Variants in DNAH8 observed in about 807,000 individuals in gnomAD.
DNAH8 encodes the protein axonemal beta dynein heavy chain 8.
DNAH8 carries 382 observed loss-of-function variants against 562.1 expected under a neutral mutation model. That is an observed-to-expected ratio of 0.68 (90% CI 0.63 to 0.74). DNAH8 has a LOEUF of 0.74. DNAH8 is among the 30% of genes least tolerant of loss of function. The pLI, the probability that DNAH8 is intolerant of heterozygous loss-of-function variation, is 0.00. For missense variants in DNAH8, 5,203 were observed against 5,620.4 expected (o/e 0.93, Z 2.37); for synonymous variants, 1,881 against 1,919.4 (o/e 0.98, Z 0.52).
At chr6:38,878,476 C>G (rs1778196732) in intron 53 of DNAH8, among the ~76,000 whole-genome samples, 1 of 151,498 alleles carries the variant, frequency 6.6e-6, no homozygotes, top group African/African-American at 2.4e-5. Context: ...ATGATCAAAG[C>G]AGAAATCAAT....
At chr6:38,780,444 G>T (rs1458469771) in intron 15 of DNAH8, among the ~76,000 whole-genome samples, 1 of 152,140 alleles carries the variant, frequency 6.6e-6, no homozygotes, top group Non-Finnish European at 1.5e-5. Context: ...CAACCCAAAT[G>T]CCCATCAATG....
At position 38,756,096 on chromosome 6, in the gene DNAH8, G is replaced by A. The variant is rs1765882239; in HGVS notation, c.1515+17G>A. On this transcript the variant is annotated intron_variant, in intron 10 of 92. Coordinates refer to ENST00000327475, the MANE Select transcript of DNAH8 (RefSeq NM_001206927.2). ...TTTATCAAGGTAAGTTTCTGTGGGAGGAAATTACATGTCATCCTGTGAAAA... is the reference window on the plus strand; with the variant it reads ...TTTATCAAGGTAAGTTTCTGTGGGAAGAAATTACATGTCATCCTGTGAAAA... The A allele has an allele frequency of 3.5e-6, 5 of 1,412,514 alleles. No individual in the cohort carries two copies. Among genetic ancestry groups the A allele is most frequent in the Non-Finnish European group, 5.0e-6 (5 of 997,490 alleles). The allele number at this position is 1,412,514 out of a possible 1,614,324, so 87.5% of individuals were successfully genotyped here.
At chr6:38,803,358 G>A (rs373125652) in intron 22 of DNAH8, 47 bp downstream of exon 22, 271 of 1,500,376 alleles carry the variant, frequency 1.8e-4, no homozygotes, top group Non-Finnish European at 2.3e-4. Context: ...CTACAGATTC[G>A]TTCTTATGTA....
rs1766158270 is a variant in DNAH8 at position 38,758,555 on chromosome 6, C to A, written c.1515+2476C>A. ...TGCCCGATTGCCCTGGCCAGAACTT[C>A]CAACACTATGTTGAATAGGAGTGGT... is the stretch of plus-strand genomic sequence containing the variant. On this transcript the variant is annotated intron_variant, in intron 10 of 92. Transcript: ENST00000327475. Among the ~76,000 whole-genome samples the A allele has an allele frequency of 3.3e-5, 5 of 152,044 alleles. No individual in the cohort carries two copies. The South Asian group carries it at 1.0e-3, about 32-fold the overall frequency.
intron 79 of DNAH8, among the ~76,000 whole-genome samples, chr6:38,942,901 T>TG (rs530815747): frequency 1.6e-4 from 25 of 152,188 alleles, no homozygotes; most frequent in African/African-American, 4.3e-4. Context: ...TGAAAGAGGG[T>TG]GGGTAAACCA....
chr6:38,812,161 C>G (rs980603151), intron 24 of DNAH8, among the ~76,000 whole-genome samples: 1 of 152,158 alleles, frequency 6.6e-6, no homozygotes, highest in Non-Finnish European at 1.5e-5. Context: ...TGTCCATCCT[C>G]TATATTCCAC....
intron 45 of DNAH8, among the ~76,000 whole-genome samples, chr6:38,865,775 G>A (rs1776986243): frequency 6.6e-6 from 1 of 152,208 alleles, no homozygotes; most frequent in African/African-American, 2.4e-5. Context: ...GGGCTCCTGT[G>A]GCTCAGGAAG....
chr6:38,984,789 C>CA (rs1052846049), intron 87 of DNAH8, among the ~76,000 whole-genome samples: 3 of 151,642 alleles, frequency 2.0e-5, no homozygotes, highest in African/African-American at 7.3e-5. Context: ...GACTCTGTCT[C>CA]AAAAAAACAA....
chr6:38,782,570 C>T (rs1029858089), intron 16 of DNAH8, among the ~76,000 whole-genome samples: 6 of 152,196 alleles, frequency 3.9e-5, no homozygotes, highest in African/African-American at 9.6e-5. Flanking sequence ...GCGTGAGCTA[C>T]GGCACCCGGC....
intron 82 of DNAH8, among the ~76,000 whole-genome samples, chr6:38,959,909 A>G (rs781355336): frequency 6.6e-5 from 10 of 152,132 alleles, no homozygotes; most frequent in Non-Finnish European, 1.3e-4. Context: ...GTAGTGGCAT[A>G]AAACCAGACA....
At chr6:38,867,434 T>C (rs1168684010) in intron 47 of DNAH8, among the ~76,000 whole-genome samples, 3 of 151,992 alleles carry the variant, frequency 2.0e-5, no homozygotes, top group Non-Finnish European at 4.4e-5. Context: ...TGTAACCTCT[T>C]GGTTATGCAT....
chr6:38,845,476 C>T, intron 35 of DNAH8, 98 bp from the exon 36 acceptor site: 1 of 831,462 alleles, frequency 1.2e-6, no homozygotes, highest in Non-Finnish European at 1.9e-6. Context: ...GGGTGACTTA[C>T]AGGTCCCTTT....
intron 11 of DNAH8, among the ~76,000 whole-genome samples, chr6:38,768,478 G>A (rs1330821217): frequency 6.6e-6 from 1 of 151,760 alleles, no homozygotes; most frequent in African/African-American, 2.4e-5. Flanking sequence ...TGTTGCCCAG[G>A]TGGTCTCAAA....
At chr6:38,997,906 T>C (rs1425188700) in intron 88 of DNAH8, among the ~76,000 whole-genome samples, 3 of 152,170 alleles carry the variant, frequency 2.0e-5, no homozygotes, top group Non-Finnish European at 4.4e-5. Flanking sequence ...TACAGGCATG[T>C]GCCACCAGGC....
chr6:38,926,281 T>C, intron 74 of DNAH8, 71 bp downstream of exon 74: 1 of 1,534,726 alleles, frequency 6.5e-7, no homozygotes, highest in Non-Finnish European at 8.9e-7. Flanking sequence ...TGATTGAATC[T>C]GCAGTCATAA....
At chr6:38,911,419 G>GC (rs1780884837) in intron 65 of DNAH8, 49 bp from the exon 66 acceptor site, 2 of 1,314,038 alleles carry the variant, frequency 1.5e-6, no homozygotes, top group African/African-American at 2.9e-5. Context: ...GTCGTTTTAT[G>GC]GGAGTACGCA....
intron 91 of DNAH8, among the ~76,000 whole-genome samples, chr6:39,013,576 G>A (rs2150775353): frequency 6.6e-6 from 1 of 152,334 alleles, no homozygotes. Context: ...AAAGGGCCAG[G>A]AGCGATGGCT....
intron 28 of DNAH8, 126 bp downstream of exon 28, chr6:38,823,814 T>G: frequency 2.1e-6 from 1 of 480,726 alleles, no homozygotes; most frequent in Non-Finnish European, 3.5e-6. Flanking sequence ...AATAATAATA[T>G]ACCAAGGTTA....
intron 45 of DNAH8, among the ~76,000 whole-genome samples, chr6:38,866,252 T>A (rs1159526514): frequency 1.3e-5 from 2 of 152,198 alleles, no homozygotes; most frequent in Non-Finnish European, 2.9e-5. Flanking sequence ...TAGACCATAA[T>A]TATCAGGTAT....
Sources: gnomAD v4.1 joint callset for allele counts (sites outside exome capture counted in the v4.1 genomes callset) on GRCh38, gnomAD v4.1.1 for gene constraint, MANE v1.5 for transcripts, NCBI Gene and HGNC (gene_info 2026-07-23, HGNC 2026-07-21) for gene names.